Variants in DNAH5 observed in about 807,000 individuals in gnomAD.
DNAH5 encodes the protein axonemal beta dynein heavy chain 5.
DNAH5 carries 372 observed loss-of-function variants against 518.2 expected under a neutral mutation model. The ratio of observed to expected loss-of-function variants is 0.72; its 90% confidence interval spans 0.66 to 0.78. The LOEUF (loss-of-function observed/expected upper bound fraction) is 0.78, where lower values mean the gene tolerates loss of function less well. Ranked by LOEUF, DNAH5 falls within the 30% of genes least tolerant of loss-of-function variation. The pLI, the probability that DNAH5 is intolerant of heterozygous loss-of-function variation, is 0.00. For synonymous variants in DNAH5, 2,039 were observed against 2,025.9 expected (o/e 1.01, Z -0.17); for missense variants, 5,523 against 5,687.0 (o/e 0.97, Z 0.93).
At chr5:13,778,364 G>A (rs990562458) in intron 53 of DNAH5, among the ~76,000 whole-genome samples, 3 of 150,858 alleles carry the variant, frequency 2.0e-5, no homozygotes, top group East Asian at 3.9e-4. Flanking sequence ...AGTGAGATCC[G>A]AGAGATCAGA....
Position 13,912,548 on chromosome 5 carries a change from A to T in DNAH5, c.1537-1055T>A, listed in dbSNP as rs555739600. On this transcript the variant is annotated intron_variant, in intron 11 of 78. Transcript: ENST00000265104. ...AGGATTTACAGTGCTGATATCCCTT[A>T]AAATCAAAAGAATCAAAAGTATGTG... Among the ~76,000 whole-genome samples, 6 of 151,824 alleles carry T rather than the reference A, an allele frequency of 4.0e-5. No individual in the cohort carries two copies. In the East Asian group the frequency reaches 1.2e-3, roughly 30 times the overall value.
chr5:13,843,300 A>G (rs1212697271), intron 32 of DNAH5, among the ~76,000 whole-genome samples: 1 of 152,076 alleles, frequency 6.6e-6, no homozygotes, highest in Non-Finnish European at 1.5e-5. Flanking sequence ...CTGAAACACA[A>G]ATCAGGTCAC....
chr5:13,883,998 ATTAT>A (rs922640662), intron 19 of DNAH5, among the ~76,000 whole-genome samples: 25 of 152,236 alleles, frequency 1.6e-4, no homozygotes, highest in African/African-American at 5.8e-4. Flanking sequence ...ATTAATTACT[ATTAT>A]TTGTTTTCTT....
At chr5:13,864,291 T>A in intron 28 of DNAH5, 106 bp downstream of exon 28, 1 of 1,484,132 alleles carries the variant, frequency 6.7e-7, no homozygotes, top group Non-Finnish European at 9.3e-7. Context: ...AGGAGAAGAG[T>A]TTCAATTGTC....
intron 1 of DNAH5, among the ~76,000 whole-genome samples, chr5:13,973,859 T>C (rs1356756884): frequency 6.6e-6 from 1 of 152,196 alleles, no homozygotes; most frequent in Non-Finnish European, 1.5e-5. Flanking sequence ...ATAAAAGCCA[T>C]TGCAACCTCA....
intron 46 of DNAH5, among the ~76,000 whole-genome samples, chr5:13,808,047 T>C (rs1412370867): frequency 6.6e-6 from 1 of 151,436 alleles, no homozygotes; most frequent in Non-Finnish European, 1.5e-5. Flanking sequence ...CTGGCCAACA[T>C]GGTGAAACCC....
chr5:13,866,136 A>G (rs1769209113), intron 26 of DNAH5, 84 bp downstream of exon 26: 2 of 1,313,676 alleles, frequency 1.5e-6, no homozygotes, highest in Admixed American at 1.8e-5. Flanking sequence ...AGGGCCCTCT[A>G]TCTTACAAAG....
chr5:13,935,095 T>C (rs892212423), intron 1 of DNAH5, among the ~76,000 whole-genome samples: 1 of 152,114 alleles, frequency 6.6e-6, no homozygotes, highest in Non-Finnish European at 1.5e-5. Context: ...AGATGGCAAA[T>C]GCTTGGTAGC....
intron 2 of DNAH5, 76 bp from the exon 3 acceptor site, chr5:13,928,254 T>G: frequency 9.0e-7 from 1 of 1,116,212 alleles, no homozygotes; most frequent in South Asian, 1.3e-5. Flanking sequence ...ATTAATAATA[T>G]AAAAAAGGAA....
chr5:13,911,503 T>A lies in DNAH5; in HGVS notation c.1537-10A>T, dbSNP rs777597757. 43 of 1,592,706 alleles carry A rather than the reference T, an allele frequency of 2.7e-5. No individual in the cohort carries two copies. Among genetic ancestry groups the A allele is most frequent in the Non-Finnish European group, 3.6e-5 (42 of 1,161,164 alleles). ...TGGTTGCCACAATGCCCTGAAATATTATGAGATAAATTAGATAATATTTCA... is the reference window on the plus strand; with the variant it reads ...TGGTTGCCACAATGCCCTGAAATATAATGAGATAAATTAGATAATATTTCA... On this transcript the variant is annotated splice_polypyrimidine_tract_variant and intron_variant, in intron 11 of 78. Transcript: ENST00000265104.
chr5:13,817,357 G>A (rs1166952758), intron 42 of DNAH5, among the ~76,000 whole-genome samples, 191 bp downstream of exon 42: 2 of 152,072 alleles, frequency 1.3e-5, no homozygotes, highest in Non-Finnish European at 2.9e-5. Flanking sequence ...TTTCCTAAAA[G>A]GGAGCATTTT....
chr5:13,807,492 A>C, intron 47 of DNAH5, 99 bp downstream of exon 47: 1 of 1,197,984 alleles, frequency 8.3e-7, no homozygotes, highest in Non-Finnish European at 1.2e-6. Flanking sequence ...TGGCTATGAA[A>C]ATTCAGATGA....
chr5:13,714,751 A>G (rs1744063769), intron 74 of DNAH5, 131 bp from the exon 75 acceptor site: 3 of 863,886 alleles, frequency 3.5e-6, no homozygotes, highest in Non-Finnish European at 5.6e-6. Flanking sequence ...TCAAGCTACA[A>G]ACTCAATAAT....
chr5:13,831,186 T>C (rs1368453249), intron 35 of DNAH5, among the ~76,000 whole-genome samples: 4 of 152,224 alleles, frequency 2.6e-5, no homozygotes, highest in Non-Finnish European at 4.4e-5. Context: ...TCCTTTCAAA[T>C]AGATTAATCC....
intron 16 of DNAH5, among the ~76,000 whole-genome samples, chr5:13,892,115 T>C (rs1312094641): frequency 1.3e-5 from 2 of 152,010 alleles, no homozygotes; most frequent in East Asian, 3.9e-4. Context: ...TTCTATTTTT[T>C]CTAAGCTAAT....
intron 1 of DNAH5, among the ~76,000 whole-genome samples, chr5:13,955,527 G>A (rs763249222): frequency 2.0e-5 from 3 of 152,084 alleles, no homozygotes; most frequent in Non-Finnish European, 4.4e-5. Context: ...AATTGGAGGG[G>A]TTAATTCACT....
At chr5:13,921,756 C>CACA (rs1554104146) in intron 5 of DNAH5, among the ~76,000 whole-genome samples, 2 of 145,156 alleles carry the variant, frequency 1.4e-5, no homozygotes, top group African/African-American at 5.1e-5. Flanking sequence ...ACACACCCCC[C>CACA]CACACACACA....
intron 30 of DNAH5, among the ~76,000 whole-genome samples, chr5:13,858,345 A>T (rs1767913231): frequency 6.6e-6 from 1 of 152,070 alleles, no homozygotes; most frequent in African/African-American, 2.4e-5. Context: ...GCATGTTCTC[A>T]CTCATAAGTG....
chr5:13,917,376 A>G, intron 7 of DNAH5, 120 bp from the exon 8 acceptor site: 1 of 763,338 alleles, frequency 1.3e-6, no homozygotes, highest in Non-Finnish European at 2.3e-6. Flanking sequence ...TCTCACAGAA[A>G]ACTGAATCCA....
Sources: allele counts gnomAD v4.1 joint callset (sites outside exome capture counted in the v4.1 genomes callset), GRCh38; gene constraint gnomAD v4.1.1; transcripts MANE v1.5; gene names NCBI Gene and HGNC (gene_info 2026-07-23, HGNC 2026-07-21).